DCUN1D2: variants seen among roughly 807,000 people sequenced by gnomAD.
DCUN1D2 encodes the protein DCN1-like protein 2.
In DCUN1D2, 29 loss-of-function variants were observed where a neutral mutation model predicts 30.9. That is an observed-to-expected ratio of 0.94 (90% CI 0.70 to 1.28). DCUN1D2 has a LOEUF of 1.28. Ranked by LOEUF, DCUN1D2 falls within the 50% of genes most tolerant of loss-of-function variation. The pLI, the probability that DCUN1D2 is intolerant of heterozygous loss-of-function variation, is 0.00. For missense variants in DCUN1D2, 325 were observed against 316.9 expected, an observed-to-expected ratio of 1.03 and a Z score of -0.19; for synonymous variants, 121 against 115.3, an observed-to-expected ratio of 1.05 and a Z score of -0.32.
At chr13:113,477,181 CACT>C (rs1249563666) in intron 3 of DCUN1D2, among the ~76,000 whole-genome samples, 1 of 152,184 alleles carries the variant, frequency 6.6e-6, no homozygotes, top group Non-Finnish European at 1.5e-5. Context: ...TAAACAAACC[CACT>C]ATCTATTGGG....
intron 4 of DCUN1D2, among the ~76,000 whole-genome samples, chr13:113,465,299 C>T (rs2044382801): frequency 6.6e-6 from 1 of 152,050 alleles, no homozygotes; most frequent in Non-Finnish European, 1.5e-5. Flanking sequence ...TCAGACTAAT[C>T]CTCACTTTGG....
At chr13:113,484,691 T>C (rs1255460261) in intron 1 of DCUN1D2, among the ~76,000 whole-genome samples, 1 of 152,166 alleles carries the variant, frequency 6.6e-6, no homozygotes, top group Non-Finnish European at 1.5e-5. Flanking sequence ...GGACAGAGGC[T>C]CTGGGCAGGC....
Position 113,455,939 on chromosome 13 carries a change from AT to A in DCUN1D2, c.*2089del. On this transcript the variant is annotated 3_prime_UTR_variant, in exon 7 of 7. Transcript: ENST00000478244. ...GAAAAGCCTTTGTCCAATGATTAAT[AT>A]TTTGATATCTATTGACAATCCCTTA... 3.0e-6 allele frequency: 1 copy of A among 332,992 alleles called. No individual in the cohort carries two copies. The highest frequency in any genetic ancestry group is 5.4e-6 in the Non-Finnish European group (1 of 186,268). 20.6% of individuals were successfully genotyped at this position (332,992 alleles called of 1,614,324 possible).
chr13:113,488,208 T>G lies in DCUN1D2; in HGVS notation c.3+2459A>C, dbSNP rs2044842122. Among the ~76,000 whole-genome samples the G allele has an allele frequency of 6.6e-6, 1 of 152,226 alleles. No individual in the cohort carries two copies. On this transcript the variant is annotated intron_variant, in intron 1 of 6. Transcript: ENST00000478244. The surrounding 1 kb of genome is among the most constrained non-coding windows in gnomAD (Gnocchi z 4.3). ...GTATCCAGAAACACGAAGAGCCCCC[T>G]GCAATCTACTCAAATTGTCTGATGT...
intron 4 of DCUN1D2, among the ~76,000 whole-genome samples, chr13:113,471,721 G>A (rs2044518898): frequency 6.6e-6 from 1 of 152,176 alleles, no homozygotes; most frequent in Admixed American, 6.5e-5. Context: ...TGACAATAAC[G>A]ATCTACGCCA....
intron 4 of DCUN1D2, among the ~76,000 whole-genome samples, chr13:113,467,861 T>G (rs1457342087): frequency 6.6e-6 from 1 of 151,352 alleles, no homozygotes; most frequent in African/African-American, 2.4e-5. Flanking sequence ...CTGACCAACA[T>G]GGAGAAACCC....
Position 113,459,334 on chromosome 13 carries a change from A to G in DCUN1D2, c.678T>C (p.Asp226=). Residue 226 remains aspartate, a synonymous_variant, in exon 6 of 7, where the codon GAT becomes GAC. Coordinates refer to ENST00000478244, the MANE Select transcript of DCUN1D2 (RefSeq NM_001014283.2). The part of the protein sequence containing the change: ...LLDFGNMIAD[D]MSNYDEEGAW... ...TACCTTCTTCATCGTAGTTAGACAT[A>G]TCATCCGCAATCATGTTTCCAAAGT... 1 of 1,596,194 alleles carries G rather than the reference A, an allele frequency of 6.3e-7. No individual in the cohort carries two copies.
chr13:113,475,190 G>A (rs1015824072), intron 3 of DCUN1D2, among the ~76,000 whole-genome samples: 1 of 152,178 alleles, frequency 6.6e-6, no homozygotes, highest in Non-Finnish European at 1.5e-5. Flanking sequence ...CCTGCGCGCA[G>A]TCACGGTCAA....
At chr13:113,472,024 T>C (rs2044526053) in intron 4 of DCUN1D2, among the ~76,000 whole-genome samples, 1 of 151,920 alleles carries the variant, frequency 6.6e-6, no homozygotes, top group South Asian at 2.1e-4. Flanking sequence ...GAGAGTGTAT[T>C]ACCCCCCCAA....
intron 3 of DCUN1D2, among the ~76,000 whole-genome samples, chr13:113,478,066 C>A (rs1294908295): frequency 1.3e-5 from 2 of 152,164 alleles, no homozygotes; most frequent in African/African-American, 2.4e-5. Flanking sequence ...GCCTTAAAAA[C>A]AAATTGTGAA....
chr13:113,480,767 G>T, intron 2 of DCUN1D2, 24 bp from the exon 3 acceptor site: 1 of 1,612,076 alleles, frequency 6.2e-7, no homozygotes, highest in Non-Finnish European at 8.5e-7. Flanking sequence ...CAGGGGAAAA[G>T]GAAGTTATAC....
At chr13:113,458,209 A>C in intron 6 of DCUN1D2, 101 bp from the exon 7 acceptor site, 2 of 995,562 alleles carry the variant, frequency 2.0e-6, no homozygotes, top group Non-Finnish European at 3.2e-6. Context: ...CAAGAACCCA[A>C]ATGACTTGAG....
At chr13:113,458,744 G>T (rs1194986803) in intron 6 of DCUN1D2, among the ~76,000 whole-genome samples, 1 of 152,220 alleles carries the variant, frequency 6.6e-6, no homozygotes, top group Non-Finnish European at 1.5e-5. Context: ...CACGGCGCCA[G>T]GGCCCAGAAC....
upstream of DCUN1D2, chr13:113,491,087 A>ACTCCCGGC (rs544003850): frequency 0.065 from 9,998 of 153,442 alleles, 366 homozygotes; most frequent in Non-Finnish European, 0.077. Flanking sequence ...TCCCTCCCGG[A>ACTCCCGGC]CTCCCGGCCT....
chr13:113,458,427 G>T (rs34241146), intron 6 of DCUN1D2, among the ~76,000 whole-genome samples: 1 of 152,208 alleles, frequency 6.6e-6, no homozygotes, highest in Non-Finnish European at 1.5e-5. Flanking sequence ...CGCGGAGCAG[G>T]AGGCATGTTC....
Position 113,456,494 on chromosome 13 carries a change from A to T in DCUN1D2, c.*1535T>A. 1 of 397,316 alleles carries T rather than the reference A, an allele frequency of 2.5e-6. No individual in the cohort carries two copies. The highest frequency in any genetic ancestry group is 4.4e-6 in the Non-Finnish European group (1 of 225,846). The allele number at this position is 397,316 out of a possible 1,614,324, so 24.6% of individuals were successfully genotyped here. The stretch of plus-strand genomic sequence containing the variant: ...CACCGCAGCTAGGTCATCTGCGGCG[A>T]CTCTCCTCTGTGCTGGGCAGCAGCT... On this transcript the variant is annotated 3_prime_UTR_variant, in exon 7 of 7. Transcript: ENST00000478244.
upstream of DCUN1D2, chr13:113,491,120 G>A (rs1292585172): frequency 2.0e-5 from 3 of 152,048 alleles, no homozygotes; most frequent in Admixed American, 2.0e-4. Flanking sequence ...GGTCCCGCCT[G>A]GGAAGGGATG....
At chr13:113,473,673 C>A (rs1192322711) in intron 4 of DCUN1D2, among the ~76,000 whole-genome samples, 2 of 152,152 alleles carry the variant, frequency 1.3e-5, no homozygotes, top group African/African-American at 4.8e-5. Flanking sequence ...ACATACAGAG[C>A]AAAGTGTGGA....
At chr13:113,469,139 C>T (rs978095094) in intron 4 of DCUN1D2, among the ~76,000 whole-genome samples, 1 of 119,072 alleles carries the variant, frequency 8.4e-6, no homozygotes, top group African/African-American at 3.4e-5. Flanking sequence ...GTCTACTACA[C>T]GCCTGCACAC....
Sources: allele counts gnomAD v4.1 joint callset (sites outside exome capture counted in the v4.1 genomes callset), GRCh38; gene constraint gnomAD v4.1.1; non-coding constraint Gnocchi (gnomAD v3.1); transcripts MANE v1.5; gene names NCBI Gene and HGNC (gene_info 2026-07-23, HGNC 2026-07-21).